FBXL17: variants seen among roughly 807,000 people sequenced by gnomAD.
The protein encoded by FBXL17 is F-box/LRR-repeat protein 17.
In FBXL17, 22 loss-of-function variants were observed where a neutral mutation model predicts 66.2. That is an observed-to-expected ratio of 0.33 (90% CI 0.24 to 0.47). FBXL17 has a LOEUF of 0.47. Among genes scored for constraint, FBXL17 ranks in the 20% least tolerant of loss-of-function variants. The pLI, the probability that FBXL17 is intolerant of heterozygous loss-of-function variation, is 1.00. For synonymous variants in FBXL17, 474 were observed against 400.5 expected, an observed-to-expected ratio of 1.18 and a Z score of -2.19; for missense variants, 878 against 948.2, an observed-to-expected ratio of 0.93 and a Z score of 0.97.
chr5:108,292,401 A>T (rs942551396), intron 4 of FBXL17, among the ~76,000 whole-genome samples: 8 of 152,072 alleles, frequency 5.3e-5, no homozygotes, highest in African/African-American at 1.9e-4. Flanking sequence ...GATTACAGGC[A>T]TGAGCCACCA....
At chr5:108,060,175 C>T (rs286759) in intron 6 of FBXL17, among the ~76,000 whole-genome samples, 88,732 of 135,138 alleles carry the variant, frequency 0.66, 26,243 homozygotes, top group East Asian at 0.69. Context: ...CATATGTGTA[C>T]ATATATATAT....
At chr5:108,370,949 A>T (rs1223082628) in intron 1 of FBXL17, among the ~76,000 whole-genome samples, 2 of 152,204 alleles carry the variant, frequency 1.3e-5, no homozygotes, top group Admixed American at 1.3e-4. Flanking sequence ...AATGGCCAAT[A>T]ACAAAGATGA....
chr5:107,982,781 C>T (rs1002828468), intron 7 of FBXL17, among the ~76,000 whole-genome samples: 1 of 152,100 alleles, frequency 6.6e-6, no homozygotes, highest in Non-Finnish European at 1.5e-5. Context: ...TATATTAATG[C>T]CCTGTTGTAC....
At chr5:108,289,707 CTG>C (rs1758036176) in intron 4 of FBXL17, among the ~76,000 whole-genome samples, 2 of 152,084 alleles carry the variant, frequency 1.3e-5, no homozygotes, top group South Asian at 4.1e-4. Flanking sequence ...AATCCTGTAA[CTG>C]TGTTTTGGGG....
At chr5:108,042,576 T>A (rs1747092827) in intron 6 of FBXL17, among the ~76,000 whole-genome samples, 1 of 152,208 alleles carries the variant, frequency 6.6e-6, no homozygotes, top group Non-Finnish European at 1.5e-5. Flanking sequence ...TTCATCAAGG[T>A]TGCTGCGTCT....
rs181887587 is a variant in FBXL17 at position 108,108,405 on chromosome 5, G to A, written c.1745+77712C>T. On this transcript the variant is annotated intron_variant, in intron 6 of 8. Transcript: ENST00000542267. ...AACAATCAGATGAACCTTAATGAAAGTGTTTAGAAAACTATAAAGTATCAT... is the reference window on the plus strand; with the variant it reads ...AACAATCAGATGAACCTTAATGAAAATGTTTAGAAAACTATAAAGTATCAT... 9.5e-4 allele frequency among the ~76,000 whole-genome samples: 144 copies of A among 152,280 alleles called. 1 individual carries two copies. The highest frequency in any genetic ancestry group is 5.6e-3 in the South Asian group (27 of 4,824).
chr5:107,887,673 G>A (rs1749020139), intron 7 of FBXL17, among the ~76,000 whole-genome samples: 1 of 152,156 alleles, frequency 6.6e-6, no homozygotes, highest in South Asian at 2.1e-4. Flanking sequence ...ATCATTTGTT[G>A]CATTCATGGT....
At chr5:108,317,212 C>T (rs1759406235) in intron 4 of FBXL17, among the ~76,000 whole-genome samples, 1 of 151,252 alleles carries the variant, frequency 6.6e-6, no homozygotes, top group South Asian at 2.1e-4. Context: ...AAATCAAACC[C>T]ATATATATTC....
rs190350778 is a variant in FBXL17, at chr5:107,900,474, T to C, written c.1823-19295A>G. ...AAATGCAATTTATCCTTGGTGATAA[T>C]AGCTTTGAAGGTTAAAAGGCAGAAT... On this transcript the variant is annotated intron_variant, in intron 7 of 8. Transcript: ENST00000542267. Among the ~76,000 whole-genome samples, 60 of 152,304 alleles carry C rather than the reference T, an allele frequency of 3.9e-4. 1 individual carries two copies. Among genetic ancestry groups the C allele is most frequent in the Middle Eastern group, 6.8e-3 (2 of 292 alleles).
chr5:108,207,929 C>T (rs1198663686), intron 5 of FBXL17, among the ~76,000 whole-genome samples: 2 of 151,774 alleles, frequency 1.3e-5, no homozygotes, highest in African/African-American at 4.8e-5. Flanking sequence ...AACACTCCTA[C>T]CGAGTGTTGT....
chr5:108,248,976 T>C (rs1028348429), intron 4 of FBXL17, among the ~76,000 whole-genome samples: 6 of 152,130 alleles, frequency 3.9e-5, no homozygotes, highest in African/African-American at 1.4e-4. Context: ...AGAAGGAATC[T>C]TGAAACATCA....
At chr5:107,945,000 A>G (rs2112595740) in intron 7 of FBXL17, among the ~76,000 whole-genome samples, 1 of 152,266 alleles carries the variant, frequency 6.6e-6, no homozygotes, top group South Asian at 2.1e-4. Context: ...TGGAGAATTC[A>G]TACCAGTAAA....
At chr5:108,297,958 T>G (rs1339214667) in intron 4 of FBXL17, 1 of 975,450 alleles carries the variant, frequency 1.0e-6, no homozygotes, top group Admixed American at 6.2e-5. Flanking sequence ...ATTCTCCATT[T>G]ATAAAAATGG....
chr5:107,866,525 G>T (rs1748281142), intron 8 of FBXL17, among the ~76,000 whole-genome samples: 1 of 152,226 alleles, frequency 6.6e-6, no homozygotes, highest in Non-Finnish European at 1.5e-5. Context: ...ACGGAAGGGT[G>T]AGGAGAGAAA....
chr5:108,150,253 G>T (rs1446037402), intron 6 of FBXL17, among the ~76,000 whole-genome samples: 1 of 151,902 alleles, frequency 6.6e-6, no homozygotes, highest in Non-Finnish European at 1.5e-5. Flanking sequence ...CTCAGATACA[G>T]TCTATCTCTA....
chr5:107,975,809 CTTTGCT>C (rs1752554531), intron 7 of FBXL17, among the ~76,000 whole-genome samples: 1 of 150,480 alleles, frequency 6.6e-6, no homozygotes, highest in Non-Finnish European at 1.5e-5. Context: ...AAATTTGACA[CTTTGCT>C]TTTGCTTTTA....
In FBXL17 at chr5:108,358,486, T is replaced by C. The variant is rs546433496; in HGVS notation, c.1374+6252A>G. Among the ~76,000 whole-genome samples the C allele has an allele frequency of 3.9e-5, 6 of 152,294 alleles. No homozygotes were observed. The East Asian group carries it at 5.8e-4, about 15-fold the overall frequency. The stretch of plus-strand genomic sequence containing the variant: ...CATTCTCTTAATGTGGTATATTACA[T>C]TGATTGATATTTGTATGTTGAGCCA... On this transcript the variant is annotated intron_variant, in intron 3 of 8. Transcript: ENST00000542267.
In FBXL17 at chr5:108,304,082, G is replaced by A. The variant is rs200369870; in HGVS notation, c.1506+44317C>T. Among the ~76,000 whole-genome samples the A allele has an allele frequency of 5.3e-5, 8 of 151,914 alleles. No homozygotes were observed. The East Asian group carries it at 1.5e-3, about 29-fold the overall frequency. ...TTTACCTTTCACAGCCCAAAGACAT[G>A]TGTCTCCACCCATTTTAATTTTATT... On this transcript the variant is annotated intron_variant, in intron 4 of 8. Coordinates refer to ENST00000542267, the MANE Select transcript of FBXL17 (RefSeq NM_001163315.3).
chr5:108,295,308 T>C (rs1758299969), intron 4 of FBXL17, among the ~76,000 whole-genome samples: 1 of 151,848 alleles, frequency 6.6e-6, no homozygotes, highest in Non-Finnish European at 1.5e-5. Flanking sequence ...ATTTTTAATA[T>C]TTTTTAAATA....
Sources: allele counts gnomAD v4.1 joint callset (sites outside exome capture counted in the v4.1 genomes callset), GRCh38; gene constraint gnomAD v4.1.1; transcripts MANE v1.5; gene names NCBI Gene and HGNC (gene_info 2026-07-23, HGNC 2026-07-21).